The following CNOT6 variants were observed in gnomAD, a reference collection of about 807,000 sequenced individuals.
CNOT6 encodes carbon catabolite repression 4 protein.
A neutral mutation model predicts 61.2 loss-of-function variants in CNOT6; 12 were observed. That is an observed-to-expected ratio of 0.20 (90% CI 0.13 to 0.32). The LOEUF (loss-of-function observed/expected upper bound fraction) is 0.32. Ranked by LOEUF, CNOT6 falls within the 10% of genes least tolerant of loss-of-function variation. The pLI, the probability that CNOT6 is intolerant of heterozygous loss-of-function variation, is 1.00. For synonymous variants in CNOT6, 225 were observed against 240.6 expected (o/e 0.94, Z 0.60); for missense variants, 405 against 663.9 (o/e 0.61, Z 4.28).
At chr5:180,562,851 A>G (rs1188886014) in intron 4 of CNOT6, among the ~76,000 whole-genome samples, 2 of 152,196 alleles carry the variant, frequency 1.3e-5, no homozygotes, top group Non-Finnish European at 2.9e-5. Context: ...GATGTGTTTC[A>G]CAAAGGGTCC....
At chr5:180,523,502 C>T (rs1327119939) in intron 1 of CNOT6, among the ~76,000 whole-genome samples, 2 of 152,156 alleles carry the variant, frequency 1.3e-5, no homozygotes, top group Non-Finnish European at 2.9e-5. Flanking sequence ...CAGAGGCTCT[C>T]CCCCTTTCTT....
rs1041730856 is a variant in CNOT6 at position 180,538,888 on chromosome 5, A to G, written c.112+9500A>G. On this transcript the variant is annotated intron_variant, in intron 2 of 11. Coordinates refer to ENST00000261951, the MANE Select transcript of CNOT6 (RefSeq NM_001370472.1). ...AGTGAGACCCTCTCTCAAAAGAAAA[A>G]AAATTGTCTGGGTACGGTAGCTTAC... Among the ~76,000 whole-genome samples, 5 of 151,338 alleles carry G rather than the reference A, an allele frequency of 3.3e-5. No individual in the cohort carries two copies. The East Asian group carries it at 9.8e-4, about 30-fold the overall frequency.
At chr5:180,527,328 CTT>C (rs1252791623) in intron 1 of CNOT6, among the ~76,000 whole-genome samples, 1 of 152,148 alleles carries the variant, frequency 6.6e-6, no homozygotes, top group Non-Finnish European at 1.5e-5. Flanking sequence ...TTTTACTCCT[CTT>C]TTTCAGACCA....
intron 10 of CNOT6, among the ~76,000 whole-genome samples, chr5:180,569,875 G>A (rs11249731): frequency 0.47 from 70,702 of 151,968 alleles, 17,487 homozygotes; most frequent in Non-Finnish European, 0.56. Flanking sequence ...CTGATCTGGA[G>A]CGCTCTTTCC....
intron 4 of CNOT6, among the ~76,000 whole-genome samples, chr5:180,561,498 A>C (rs570610505): frequency 6.6e-6 from 1 of 150,636 alleles, no homozygotes; most frequent in East Asian, 1.9e-4. Context: ...AGTTGTGTTT[A>C]TCTTTTTGCA....
intron 1 of CNOT6, among the ~76,000 whole-genome samples, chr5:180,528,545 G>A (rs2127719815): frequency 6.6e-6 from 1 of 152,136 alleles, no homozygotes; most frequent in African/African-American, 2.4e-5. Context: ...TCAATCTCCT[G>A]ACCTCGTGAT....
chr5:180,556,391 T>C (rs1229563123), intron 4 of CNOT6, among the ~76,000 whole-genome samples: 1 of 152,206 alleles, frequency 6.6e-6, no homozygotes, highest in African/African-American at 2.4e-5. Context: ...TGTGTATTTT[T>C]TAACAGCTAA....
chr5:180,566,614 A>T (rs1404762272), intron 7 of CNOT6, among the ~76,000 whole-genome samples: 5 of 148,330 alleles, frequency 3.4e-5, no homozygotes, highest in Non-Finnish European at 1.5e-5. Context: ...AGTTGGTTTC[A>T]GATAAATAGT....
chr5:180,525,651 C>T (rs1239033110), intron 1 of CNOT6, among the ~76,000 whole-genome samples: 1 of 152,098 alleles, frequency 6.6e-6, no homozygotes, highest in Non-Finnish European at 1.5e-5. Context: ...TCTGCTGTTT[C>T]CCAGCCTTGT....
chr5:180,518,757 TC>T (rs1757757103), intron 1 of CNOT6, among the ~76,000 whole-genome samples: 2 of 152,250 alleles, frequency 1.3e-5, no homozygotes, highest in African/African-American at 4.8e-5. Context: ...TGCCTTGGCC[TC>T]CCAAAGTGCT....
At chr5:180,558,443 G>A (rs932117925) in intron 4 of CNOT6, among the ~76,000 whole-genome samples, 4 of 151,738 alleles carry the variant, frequency 2.6e-5, no homozygotes, top group Admixed American at 1.3e-4. Flanking sequence ...ACCTAAAGCC[G>A]CGGCCTGGTA....
chr5:180,525,252 G>A (rs1758047216), intron 1 of CNOT6, among the ~76,000 whole-genome samples: 2 of 152,266 alleles, frequency 1.3e-5, no homozygotes, highest in South Asian at 4.1e-4. Flanking sequence ...TGTTTGAAAA[G>A]TAGGCCGGGT....
chr5:180,505,116 A>G (rs541038726), intron 1 of CNOT6, among the ~76,000 whole-genome samples: 5 of 149,656 alleles, frequency 3.3e-5, no homozygotes, highest in African/African-American at 1.2e-4. Flanking sequence ...CTGCCACCAC[A>G]CCCAGCTAAT....
At chr5:180,564,194 T>C (rs1273164403) in intron 4 of CNOT6, among the ~76,000 whole-genome samples, 1 of 152,218 alleles carries the variant, frequency 6.6e-6, no homozygotes, top group Non-Finnish European at 1.5e-5. Flanking sequence ...TCTTGTTTGT[T>C]ATAACCATCT....
intron 1 of CNOT6, among the ~76,000 whole-genome samples, chr5:180,520,265 T>C (rs1581491916): frequency 1.1e-5 from 1 of 88,668 alleles, no homozygotes; most frequent in Non-Finnish European, 3.3e-5. Flanking sequence ...AGTTTTTAAA[T>C]AAGAGTTTTT....
chr5:180,528,303 A>ATTATTTAT (rs1554098707), intron 1 of CNOT6, among the ~76,000 whole-genome samples: 1 of 151,986 alleles, frequency 6.6e-6, no homozygotes, highest in Non-Finnish European at 1.5e-5. Flanking sequence ...TGATTCTTTT[A>ATTATTTAT]TTATTTATTT....
chr5:180,502,090 G>A (rs1487528153), intron 1 of CNOT6, among the ~76,000 whole-genome samples: 11 of 152,138 alleles, frequency 7.2e-5, no homozygotes. Context: ...AGGAGACAGG[G>A]TCGAGAGAAG....
intron 4 of CNOT6, among the ~76,000 whole-genome samples, chr5:180,560,104 T>C (rs1299793874): frequency 6.6e-6 from 1 of 151,956 alleles, no homozygotes; most frequent in Non-Finnish European, 1.5e-5. Context: ...CCCACCACCA[T>C]GCCCGGCTAA....
At chr5:180,568,633 A>G (rs572540344) in intron 9 of CNOT6, among the ~76,000 whole-genome samples, 126 of 152,270 alleles carry the variant, frequency 8.3e-4, no homozygotes, top group African/African-American at 2.8e-3. Context: ...TAAATGGACC[A>G]CTTCAAATTG....
Sources: allele counts gnomAD v4.1 joint callset (sites outside exome capture counted in the v4.1 genomes callset), GRCh38; gene constraint gnomAD v4.1.1; transcripts MANE v1.5; gene names NCBI Gene and HGNC (gene_info 2026-07-23, HGNC 2026-07-21).